SLC24A2: variants seen among roughly 807,000 people sequenced by gnomAD.
The protein encoded by SLC24A2 is sodium/potassium/calcium exchanger 2.
In SLC24A2, 36 loss-of-function variants were observed where a neutral mutation model predicts 62.0. The observed-to-expected ratio is 0.58, with a 90% CI of 0.44 to 0.77. SLC24A2 has a LOEUF of 0.77. SLC24A2 is among the 30% of genes least tolerant of loss of function. The probability of loss-of-function intolerance (pLI) is 0.00; values close to 1 mark genes in which losing one functional copy is unlikely to be tolerated. For synonymous variants in SLC24A2, 358 were observed against 294.0 expected (o/e 1.22, Z -2.23); for missense variants, 846 against 817.9 (o/e 1.03, Z -0.42).
chr9:20,177,720 A>G, the SLC24A2 span, among the ~76,000 whole-genome samples: 6 of 152,194 alleles, frequency 3.9e-5, no homozygotes, highest in African/African-American at 1.4e-4. Flanking sequence ...ATTCTAAAAT[A>G]TAAAGAAAAC....
chr9:20,082,069 C>T, the SLC24A2 span, among the ~76,000 whole-genome samples: 1 of 152,096 alleles, frequency 6.6e-6, no homozygotes, highest in Non-Finnish European at 1.5e-5. Context: ...GAATTTCATG[C>T]GCTCCATCAA....
intron 2 of SLC24A2, among the ~76,000 whole-genome samples, chr9:19,728,201 G>A (rs1821229030): frequency 6.6e-6 from 1 of 151,832 alleles, no homozygotes; most frequent in South Asian, 2.1e-4. Context: ...GGACCAAGGC[G>A]TACAGTTCCT....
intron 2 of SLC24A2, among the ~76,000 whole-genome samples, chr9:19,633,052 A>C (rs1407313998): frequency 6.6e-6 from 1 of 152,234 alleles, no homozygotes; most frequent in African/African-American, 2.4e-5. Flanking sequence ...TATAAATGGA[A>C]TAATGTCATA....
intron 9 of SLC24A2, among the ~76,000 whole-genome samples, chr9:19,523,211 T>C (rs1454251783): frequency 6.6e-6 from 1 of 152,164 alleles, no homozygotes; most frequent in African/African-American, 2.4e-5. Flanking sequence ...CAGGAAAACA[T>C]AGGAATTGAA....
chr9:19,984,869 C>A, the SLC24A2 span, among the ~76,000 whole-genome samples: 1 of 152,020 alleles, frequency 6.6e-6, no homozygotes, highest in African/African-American at 2.4e-5. Context: ...TCACACCCTC[C>A]GAAATATTTA....
chr9:19,597,087 A>G, intron 5 of SLC24A2, 142 bp downstream of exon 5: 2 of 668,488 alleles, frequency 3.0e-6, no homozygotes, highest in Non-Finnish European at 5.4e-6. Context: ...GGCAAAAACT[A>G]GACAAAAATG....
the SLC24A2 span, among the ~76,000 whole-genome samples, chr9:20,289,091 G>A: frequency 6.6e-6 from 1 of 152,128 alleles, no homozygotes; most frequent in African/African-American, 2.4e-5. Flanking sequence ...CAGGCAACCT[G>A]TCCCTACAGA....
chr9:19,937,791 G>A, the SLC24A2 span, among the ~76,000 whole-genome samples: 9 of 152,194 alleles, frequency 5.9e-5, no homozygotes, highest in Non-Finnish European at 1.3e-4. Context: ...TAGCAAAGCT[G>A]TGTTCTAATG....
At chr9:20,023,936 T>A in the SLC24A2 span, among the ~76,000 whole-genome samples, 1 of 152,234 alleles carries the variant, frequency 6.6e-6, no homozygotes, top group Non-Finnish European at 1.5e-5. Context: ...AGCTCTGTGC[T>A]ATAAAGGAAC....
the SLC24A2 span, among the ~76,000 whole-genome samples, chr9:20,105,882 T>C: frequency 4.0e-4 from 60 of 151,856 alleles, 1 homozygote; most frequent in East Asian, 7.6e-3. Context: ...ACACAAAAAA[T>C]CCTTCAAAAA....
rs1733108298 is a variant in SLC24A2, at chr9:19,567,250, AAAGT to A, written c.1347+6097_1347+6100del. Among the ~76,000 whole-genome samples, 9 of 151,738 alleles carry A rather than the reference AAAGT, an allele frequency of 5.9e-5. No individual in the cohort carries two copies. The South Asian group carries it at 1.9e-3, about 32-fold the overall frequency. On this transcript the variant is annotated intron_variant, in intron 7 of 10. Transcript: ENST00000341998. ...CCATCATACTAAAAAACGAGAAGTA[AAAGT>A]AAGGAATATGGGCCGGGCACGGTGG... is the stretch of plus-strand genomic sequence containing the variant.
At chr9:20,289,969 C>T in the SLC24A2 span, among the ~76,000 whole-genome samples, 1 of 152,142 alleles carries the variant, frequency 6.6e-6, no homozygotes, top group Non-Finnish European at 1.5e-5. Context: ...TAGCATCACA[C>T]AGTGCTCATA....
At chr9:19,909,889 C>T in the SLC24A2 span, among the ~76,000 whole-genome samples, 1 of 152,008 alleles carries the variant, frequency 6.6e-6, no homozygotes, top group South Asian at 2.1e-4. Context: ...TTTGTTATGG[C>T]CTTATTCCTC....
chr9:19,907,230 T>A, the SLC24A2 span, among the ~76,000 whole-genome samples: 1 of 152,302 alleles, frequency 6.6e-6, no homozygotes, highest in Non-Finnish European at 1.5e-5. Context: ...AAAAACCATA[T>A]GATTATCTCA....
chr9:19,846,442 T>C, the SLC24A2 span, among the ~76,000 whole-genome samples: 6 of 152,242 alleles, frequency 3.9e-5, no homozygotes, highest in East Asian at 1.9e-4. Context: ...ATTTGCAAGA[T>C]AGACTTTCCT....
At chr9:19,536,329 C>T (rs1274123497) in intron 8 of SLC24A2, among the ~76,000 whole-genome samples, 1 of 147,062 alleles carries the variant, frequency 6.8e-6, no homozygotes, top group South Asian at 2.3e-4. Flanking sequence ...TTAGGTATAT[C>T]TCCCAATGCT....
chr9:20,024,098 G>T, the SLC24A2 span, among the ~76,000 whole-genome samples: 2 of 152,212 alleles, frequency 1.3e-5, no homozygotes, highest in Non-Finnish European at 2.9e-5. Flanking sequence ...CAGGCAGACA[G>T]AGTGGAATCA....
chr9:19,980,011 T>C, the SLC24A2 span, among the ~76,000 whole-genome samples: 4 of 152,220 alleles, frequency 2.6e-5, no homozygotes, highest in African/African-American at 9.6e-5. Flanking sequence ...AGGAACTCAC[T>C]GCCTAGCAGA....
chr9:20,182,974 A>T, the SLC24A2 span, among the ~76,000 whole-genome samples: 1 of 152,206 alleles, frequency 6.6e-6, no homozygotes, highest in Non-Finnish European at 1.5e-5. Context: ...GATTTGTAAA[A>T]TGAGCTTAAT....
Sources: gnomAD v4.1 joint callset for allele counts (sites outside exome capture counted in the v4.1 genomes callset) on GRCh38, gnomAD v4.1.1 for gene constraint, MANE v1.5 for transcripts, NCBI Gene and HGNC (gene_info 2026-07-23, HGNC 2026-07-21) for gene names.